Variants in NTN1 observed in about 807,000 individuals in gnomAD.
NTN1 encodes the protein netrin 1.
NTN1 carries 11 observed loss-of-function variants against 54.2 expected under a neutral mutation model. That is an observed-to-expected ratio of 0.20 (90% confidence interval 0.13 to 0.34). The LOEUF is 0.34. Ranked by LOEUF, NTN1 falls within the 10% of genes least tolerant of loss-of-function variation. NTN1 has a pLI of 1.00. For missense variants in NTN1, 740 were observed against 893.1 expected (o/e 0.83, Z 2.18); for synonymous variants, 371 against 382.0 (o/e 0.97, Z 0.33).
rs959627255 is a variant in NTN1, at chr17:9,212,723, T to G, written c.1412-8445T>G. 2.0e-5 allele frequency among the ~76,000 whole-genome samples: 3 copies of G among 152,286 alleles called. No individual in the cohort carries two copies. Among genetic ancestry groups the G allele is most frequent in the Non-Finnish European group, 4.4e-5 (3 of 68,024 alleles). The stretch of plus-strand genomic sequence containing the variant: ...GGGAGGACAGACCATGTTGGCTGGG[T>G]GTCCCTCACTCATTACACCCCCTGC... On this transcript the variant is annotated intron_variant, in intron 5 of 6. Transcript: ENST00000173229. This position sits in a 1 kb window ranked among gnomAD's most constrained non-coding sequence, Gnocchi z 5.5.
intron 2 of NTN1, among the ~76,000 whole-genome samples, chr17:9,056,720 T>A (rs1280624690): frequency 6.6e-6 from 1 of 152,140 alleles, no homozygotes; most frequent in Non-Finnish European, 1.5e-5. Flanking sequence ...ACAGCCCAGC[T>A]CACTGGAAAC....
intron 2 of NTN1, among the ~76,000 whole-genome samples, chr17:9,067,884 A>G (rs979816335): frequency 6.6e-6 from 1 of 152,098 alleles, no homozygotes; most frequent in Admixed American, 6.6e-5. Context: ...TCTGGTGCAA[A>G]CTCACACATT....
At chr17:9,231,544 C>T (rs139813232) in intron 6 of NTN1, among the ~76,000 whole-genome samples, 72 of 152,320 alleles carry the variant, frequency 4.7e-4, no homozygotes, top group African/African-American at 1.6e-3. Context: ...TAACCCCACA[C>T]GGGACAGGGC....
At position 9,211,939 on chromosome 17, in the gene NTN1, A is replaced by G. The variant is rs557319529; in HGVS notation, c.1412-9229A>G. Among the ~76,000 whole-genome samples the G allele has an allele frequency of 6.6e-5, 10 of 152,308 alleles. No individual in the cohort carries two copies. In the South Asian group the frequency reaches 1.9e-3, roughly 28 times the overall value. On this transcript the variant is annotated intron_variant, in intron 5 of 6. Coordinates refer to ENST00000173229, the MANE Select transcript of NTN1 (RefSeq NM_004822.3). This position sits in a 1 kb window ranked among gnomAD's most constrained non-coding sequence, Gnocchi z 4.4. Reference sequence around the variant, plus strand: ...ACCAGTCCTTGGCTTCCTGTGTTACAAACATTTTGGGCTTGCTTCTAGACC... The same window carrying G: ...ACCAGTCCTTGGCTTCCTGTGTTACGAACATTTTGGGCTTGCTTCTAGACC...
At chr17:9,138,012 G>A (rs914870944) in intron 2 of NTN1, among the ~76,000 whole-genome samples, 10 of 149,442 alleles carry the variant, frequency 6.7e-5, no homozygotes, top group African/African-American at 2.1e-4. Context: ...AACCAGATGT[G>A]CTCCACCTCC....
intron 5 of NTN1, among the ~76,000 whole-genome samples, chr17:9,207,204 G>A (rs1005603266): frequency 6.6e-6 from 1 of 152,198 alleles, no homozygotes; most frequent in African/African-American, 2.4e-5. Flanking sequence ...ACTGAAAAAT[G>A]TATCACTGCA....
chr17:9,097,345 C>G (rs972460033), intron 2 of NTN1, among the ~76,000 whole-genome samples: 9 of 152,132 alleles, frequency 5.9e-5, no homozygotes, highest in East Asian at 1.9e-4. Context: ...TGAAGATATT[C>G]TGGGCGCGGT....
chr17:9,072,966 T>C (rs1476694324), intron 2 of NTN1, among the ~76,000 whole-genome samples: 2 of 152,168 alleles, frequency 1.3e-5, no homozygotes, highest in Non-Finnish European at 2.9e-5. Flanking sequence ...TAGCAGGGAG[T>C]TGGTTCTGGT....
intron 2 of NTN1, among the ~76,000 whole-genome samples, chr17:9,071,234 C>T (rs760047985): frequency 6.6e-5 from 10 of 152,044 alleles, no homozygotes; most frequent in Non-Finnish European, 1.3e-4. Flanking sequence ...TGGTGTAACA[C>T]GGATCGTGTG....
intron 2 of NTN1, among the ~76,000 whole-genome samples, chr17:9,080,341 T>C (rs1277006213): frequency 6.6e-6 from 1 of 152,218 alleles, no homozygotes; most frequent in Non-Finnish European, 1.5e-5. Context: ...CTGCCTTCCC[T>C]GGAGCCCTCT....
rs1377563376 is a variant in NTN1 at position 9,182,962 on chromosome 17, G to A, written c.1404G>A (p.Glu468=). 1 of 1,614,104 alleles carries A rather than the reference G, an allele frequency of 6.2e-7. No homozygotes were observed. Among genetic ancestry groups the A allele is most frequent in the African/African-American group, 1.3e-5 (1 of 75,016 alleles). Residue 468 remains glutamate, a synonymous_variant, in exon 5 of 7, where the codon GAG becomes GAA. Transcript: ENST00000173229. Reference sequence around the variant, plus strand: ...CGACTGCAGCCAGCAGCGTGGAGGAGCCTGAAGGTAAACGGCCCCCTTCGC... The same window carrying A: ...CGACTGCAGCCAGCAGCGTGGAGGAACCTGAAGGTAAACGGCCCCCTTCGC... ...PPTTAASSVE[E]PEDCDSYCKA...
At chr17:9,072,224 G>C (rs1041827635) in intron 2 of NTN1, among the ~76,000 whole-genome samples, 16 of 150,880 alleles carry the variant, frequency 1.1e-4, no homozygotes, top group African/African-American at 3.4e-4. Flanking sequence ...CTCCCGGGTG[G>C]CCCTGGAGCC....
intron 2 of NTN1, among the ~76,000 whole-genome samples, chr17:9,099,242 A>AT (rs1482204434): frequency 6.6e-6 from 1 of 152,174 alleles, no homozygotes; most frequent in Admixed American, 6.5e-5. Flanking sequence ...TGTCTCTACT[A>AT]AATACAAAAA....
intron 6 of NTN1, among the ~76,000 whole-genome samples, chr17:9,224,663 GC>G (rs1002652495): frequency 3.3e-5 from 5 of 152,228 alleles, no homozygotes; most frequent in African/African-American, 1.2e-4. Context: ...AGAGCTGCGG[GC>G]CAGCCCTGTG....
intron 5 of NTN1, among the ~76,000 whole-genome samples, chr17:9,199,989 T>A (rs983101283): frequency 2.7e-4 from 41 of 152,252 alleles, no homozygotes; most frequent in Admixed American, 1.3e-4. Flanking sequence ...ATTTGGGTTG[T>A]AGGCAAGCTA....
chr17:9,118,241 C>T (rs958045486), intron 2 of NTN1, among the ~76,000 whole-genome samples: 25 of 152,178 alleles, frequency 1.6e-4, no homozygotes, highest in Non-Finnish European at 2.5e-4. Context: ...CAGTTCAGGC[C>T]GGGCGCGGTG....
At chr17:9,151,506 C>G (rs2092327574) in intron 2 of NTN1, among the ~76,000 whole-genome samples, 1 of 152,174 alleles carries the variant, frequency 6.6e-6, no homozygotes, top group African/African-American at 2.4e-5. Context: ...TTTCCTACCA[C>G]CTTGATCCAC....
intron 2 of NTN1, among the ~76,000 whole-genome samples, chr17:9,067,810 G>A (rs1238717305): frequency 2.0e-5 from 3 of 152,210 alleles, no homozygotes; most frequent in Admixed American, 6.5e-5. Flanking sequence ...CTCTGGGCTT[G>A]GGGGATGGGA....
intron 2 of NTN1, among the ~76,000 whole-genome samples, chr17:9,024,066 A>G (rs925681950): frequency 6.6e-6 from 1 of 152,278 alleles, no homozygotes; most frequent in African/African-American, 2.4e-5. Flanking sequence ...CTGGTCTAAA[A>G]AAGTATACCA....
Sources: gnomAD v4.1 joint callset for allele counts (sites outside exome capture counted in the v4.1 genomes callset) on GRCh38, gnomAD v4.1.1 for gene constraint, Gnocchi (gnomAD v3.1) non-coding constraint, MANE v1.5 for transcripts, NCBI Gene and HGNC (gene_info 2026-07-23, HGNC 2026-07-21) for gene names.